SYNE1: variants seen among roughly 807,000 people sequenced by gnomAD.
The protein encoded by SYNE1 is nesprin-1.
SYNE1 carries 616 observed loss-of-function variants against 1,111.0 expected under a neutral mutation model. That is an observed-to-expected ratio of 0.55 (90% CI 0.52 to 0.59). The LOEUF is 0.59. Ranked by LOEUF, SYNE1 falls within the 20% of genes least tolerant of loss-of-function variation. The pLI, the probability that SYNE1 is intolerant of heterozygous loss-of-function variation, is 0.00. For synonymous variants in SYNE1, 3,855 were observed against 3,825.8 expected, an observed-to-expected ratio of 1.01 and a Z score of -0.28; for missense variants, 10,006 against 10,417.0, an observed-to-expected ratio of 0.96 and a Z score of 1.72.
chr6:152,260,667 G>A (rs2091852136), intron 101 of SYNE1, among the ~76,000 whole-genome samples: 3 of 151,078 alleles, frequency 2.0e-5, no homozygotes, highest in Non-Finnish European at 2.9e-5. Flanking sequence ...TCAGACCAGC[G>A]ATCCCCAACC....
At position 152,496,434 on chromosome 6, in the gene SYNE1, A is replaced by G. The variant is rs1278405140; in HGVS notation, c.939+2308T>C. Among the ~76,000 whole-genome samples, 3 of 152,002 alleles carry G rather than the reference A, an allele frequency of 2.0e-5. No homozygotes were observed. In the East Asian group the frequency reaches 5.8e-4, roughly 29 times the overall value. ...TAACTGGATGTCCTGGTTCCTCCCAATTCTTAGTCCTTTATTACCTCTTTT... is the reference window on the plus strand; with the variant it reads ...TAACTGGATGTCCTGGTTCCTCCCAGTTCTTAGTCCTTTATTACCTCTTTT... On this transcript the variant is annotated intron_variant, in intron 11 of 145. Transcript: ENST00000367255.
Position 152,331,700 on chromosome 6 carries a change from C to T in SYNE1, c.12985G>A (p.Glu4329Lys), listed in dbSNP as rs752661205. The T allele has an allele frequency of 1.2e-5, 19 of 1,614,102 alleles. No homozygotes were observed. The highest frequency in any genetic ancestry group is 1.5e-5 in the Non-Finnish European group (18 of 1,180,046). The change falls in exon 78 of 146, where the codon GAG (glutamate) becomes AAG (lysine). Residue 4329 changes from glutamate (E) to lysine (K), a missense_variant. Around this residue, in one of 7 missense-constraint regions of SYNE1, gnomAD observed 4,955 missense variants for 5,017.2 expected, o/e 0.99. Coordinates refer to ENST00000367255, the MANE Select transcript of SYNE1 (RefSeq NM_182961.4). ...SHLEQRWFQL[E>K]DLIKRKIQVS... ...TGGATTTTCCTTTTAATGAGGTCCT[C>T]AAGCTGAAACCAACGTTGCTCTAAA...
In SYNE1 at chr6:152,447,090, A is replaced by T. The variant is rs536025616; in HGVS notation, c.3669+368T>A. Among the ~76,000 whole-genome samples, 3 of 152,326 alleles carry T rather than the reference A, an allele frequency of 2.0e-5. No individual in the cohort carries two copies. In the East Asian group the frequency reaches 5.8e-4, roughly 29 times the overall value. ...TTGAAGGTTACCTAGGAGGTAGGGT[A>T]TCACATTTAAACTCTAATCCTGGAT... is the stretch of plus-strand genomic sequence containing the variant. On this transcript the variant is annotated intron_variant, in intron 29 of 145. Coordinates refer to ENST00000367255, the MANE Select transcript of SYNE1 (RefSeq NM_182961.4).
At chr6:152,351,190 C>G (rs2096734870) in intron 70 of SYNE1, among the ~76,000 whole-genome samples, 1 of 152,180 alleles carries the variant, frequency 6.6e-6, no homozygotes, top group Non-Finnish European at 1.5e-5. Flanking sequence ...TGTGACCTTG[C>G]TGAGATAGGC....
intron 131 of SYNE1, among the ~76,000 whole-genome samples, chr6:152,157,760 C>CTTTT (rs545941179): frequency 7.4e-6 from 1 of 135,160 alleles, no homozygotes; most frequent in Non-Finnish European, 1.6e-5. Flanking sequence ...AGAACAAATT[C>CTTTT]TTTTTTTTTT....
intron 144 of SYNE1, 30 bp downstream of exon 144, chr6:152,132,092 G>A (rs1468161450): frequency 1.2e-6 from 2 of 1,600,896 alleles, no homozygotes; most frequent in East Asian, 2.2e-5. Context: ...ACTCCCATGG[G>A]CCAACTGAAA....
Position 152,254,958 on chromosome 6 carries a change from C to A in SYNE1, c.19392G>T (p.Arg6464Ser). The A allele has an allele frequency of 6.2e-7, 1 of 1,614,030 alleles. No homozygotes were observed. The highest frequency in any genetic ancestry group is 8.5e-7 in the Non-Finnish European group (1 of 1,179,974). Residue 6464 changes from arginine to serine, a missense_variant, in exon 104 of 146, where the codon AGG becomes AGT. By Grantham distance (110) the Arg-to-Ser change is moderately radical. Transcript: ENST00000367255. Reference protein sequence around the residue: ...IEDTLGCLLGRLSLLDSVVNQ... With the variant: ...IEDTLGCLLGSLSLLDSVVNQ... ...TCACTACTGAGTCTAGCAAGGATAA[C>A]CTGCCCAAAAGACAACCCAAAGTAT...
At chr6:152,538,501 G>A (rs2099254304) in intron 4 of SYNE1, among the ~76,000 whole-genome samples, 1 of 151,702 alleles carries the variant, frequency 6.6e-6, no homozygotes. Context: ...AATGATGACT[G>A]TATCTGGATT....
At chr6:152,145,891 G>A (rs981239210) in intron 137 of SYNE1, 3 of 352,828 alleles carry the variant, frequency 8.5e-6, no homozygotes, top group Non-Finnish European at 1.7e-5. Flanking sequence ...CAGGTGTGGT[G>A]ACAGGTACCT....
At chr6:152,572,643 G>A (rs2099468857) in intron 3 of SYNE1, among the ~76,000 whole-genome samples, 1 of 152,068 alleles carries the variant, frequency 6.6e-6, no homozygotes, top group Non-Finnish European at 1.5e-5. Flanking sequence ...CTCTGCAGTT[G>A]GAAAGATTCG....
intron 8 of SYNE1, among the ~76,000 whole-genome samples, chr6:152,509,238 TTTTC>T (rs2099072912): frequency 7.6e-6 from 1 of 131,502 alleles, no homozygotes; most frequent in Non-Finnish European, 1.5e-5. Context: ...TCTTTTTCTT[TTTTC>T]TTTTTCTTTT....
chr6:152,310,457 G>T lies in SYNE1; in HGVS notation c.16958C>A (p.Ala5653Glu), dbSNP rs776905124. ...TCCAACTTCTGGAGAAGTCAGTGTT[G>T]CCTGGGCTTGCTCCAAGGCAGCTTG... ...KLQAALEQAQATLTSPEVGRL... is the reference protein window; with the variant it reads ...KLQAALEQAQETLTSPEVGRL... The change falls in exon 89 of 146, where the codon GCA (alanine) becomes GAA (glutamate). Residue 5653 changes from alanine to glutamate, a missense_variant. This residue lies in a region of SYNE1 where 4,955 missense variants were observed against 5,017.2 expected (regional missense o/e 0.99). Coordinates refer to ENST00000367255, the MANE Select transcript of SYNE1 (RefSeq NM_182961.4). 1.9e-6 allele frequency: 3 copies of T among 1,614,136 alleles called. No homozygotes were observed. Among genetic ancestry groups the T allele is most frequent in the Non-Finnish European group, 2.5e-6 (3 of 1,180,026 alleles).
chr6:152,413,565 A>G (rs2098104713), intron 41 of SYNE1, 34 bp from the exon 42 acceptor site: 1 of 1,604,860 alleles, frequency 6.2e-7, no homozygotes, highest in Non-Finnish European at 8.5e-7. Context: ...CTATTAATTT[A>G]CTAAAGGTAG....
At position 152,152,000 on chromosome 6, in the gene SYNE1, T is replaced by C. The variant is rs2060508653; in HGVS notation, c.24271A>G (p.Asn8091Asp). The C allele has an allele frequency of 6.2e-7, 1 of 1,614,222 alleles. No homozygotes were observed. Among genetic ancestry groups the C allele is most frequent in the East Asian group, 2.2e-5 (1 of 44,884 alleles). Residue 8091 changes from asparagine (N) to aspartate (D), a missense_variant, in exon 134 of 146, where the codon AAC becomes GAC. By Grantham distance (23) the Asn-to-Asp change is conservative. Around this residue, in one of 7 missense-constraint regions of SYNE1, gnomAD observed 2,182 missense variants for 2,287.8 expected, o/e 0.95. Transcript: ENST00000367255. Reference protein sequence around the residue: ...MVHEGNQRWDNLQKRVTSILR... With the variant: ...MVHEGNQRWDDLQKRVTSILR... ...ATGGAGGTGACACGCTTTTGCAGGT[T>C]GTCCCATCTCTGGTTGCCTTCGTGA... is the stretch of plus-strand genomic sequence containing the variant.
At chr6:152,376,989 A>G in intron 56 of SYNE1, 77 bp from the exon 57 acceptor site, 1 of 1,540,514 alleles carries the variant, frequency 6.5e-7, no homozygotes, top group Admixed American at 1.7e-5. Flanking sequence ...TACATGCATC[A>G]ATCATATTAT....
At chr6:152,558,711 G>A (rs775198727) in intron 3 of SYNE1, among the ~76,000 whole-genome samples, 1 of 152,062 alleles carries the variant, frequency 6.6e-6, no homozygotes, top group South Asian at 2.1e-4. Context: ...TAACAGAATC[G>A]AAGGAAATAA....
intron 6 of SYNE1, among the ~76,000 whole-genome samples, chr6:152,517,878 T>C (rs2099119927): frequency 6.6e-6 from 1 of 152,062 alleles, no homozygotes; most frequent in African/African-American, 2.4e-5. Context: ...GGAATGAGAA[T>C]GGAGTAGTAG....
chr6:152,320,768 A>G (rs1209273505), intron 84 of SYNE1, among the ~76,000 whole-genome samples: 2 of 152,184 alleles, frequency 1.3e-5, no homozygotes, highest in African/African-American at 4.8e-5. Flanking sequence ...CTCTAGCAAC[A>G]TTAGGGGACC....
chr6:152,431,547 A>C (rs1332807674), intron 34 of SYNE1, among the ~76,000 whole-genome samples: 1 of 152,214 alleles, frequency 6.6e-6, no homozygotes, highest in East Asian at 1.9e-4. Context: ...TCTCTCACAA[A>C]CATAGAAGCT....
Sources: gnomAD v4.1 joint callset for allele counts (sites outside exome capture counted in the v4.1 genomes callset) on GRCh38, gnomAD v4.1.1 for gene constraint, gnomAD v4.1.1 regional missense constraint, MANE v1.5 for transcripts, NCBI Gene and HGNC (gene_info 2026-07-23, HGNC 2026-07-21) for gene names.